The following LRRC4C variants were observed in gnomAD, a reference collection of about 807,000 sequenced individuals.
The protein encoded by LRRC4C is leucine rich repeat containing 4C, also known as leucine-rich repeat-containing protein 4C.
Under a neutral mutation model 33.6 loss-of-function variants are expected in LRRC4C, and 5 were observed. The observed-to-expected ratio is 0.15, with a 90% CI of 0.08 to 0.31. The LOEUF (loss-of-function observed/expected upper bound fraction) is 0.31. LRRC4C is among the 10% of genes least tolerant of loss of function. LRRC4C has a pLI of 1.00. For missense variants in LRRC4C, 560 were observed against 796.7 expected, an observed-to-expected ratio of 0.70 and a Z score of 3.58; for synonymous variants, 329 against 302.0, an observed-to-expected ratio of 1.09 and a Z score of -0.93.
chr11:41,081,239 A>T (rs754192858), intron 1 of LRRC4C, among the ~76,000 whole-genome samples: 7 of 152,236 alleles, frequency 4.6e-5, no homozygotes, highest in Non-Finnish European at 7.3e-5. Flanking sequence ...ATGGGAATGC[A>T]TGTTGGGAAG....
chr11:40,403,157 T>G lies in LRRC4C; in HGVS notation c.-269-83436A>C, dbSNP rs151246037. Among the ~76,000 whole-genome samples the G allele has an allele frequency of 2.1e-3, 321 of 152,190 alleles. 1 individual carries two copies. The highest frequency in any genetic ancestry group is 3.5e-3 in the Non-Finnish European group (236 of 68,006). Reference sequence around the variant, plus strand: ...ATATGGATGATTTAAACAAAATAATTTACACTGTCCCATATAGCTCTTAAG... The same window carrying G: ...ATATGGATGATTTAAACAAAATAATGTACACTGTCCCATATAGCTCTTAAG... On this transcript the variant is annotated intron_variant, in intron 3 of 6. Transcript: ENST00000528697.
intron 1 of LRRC4C, among the ~76,000 whole-genome samples, chr11:41,300,900 T>C (rs551378631): frequency 1.3e-5 from 2 of 152,266 alleles, no homozygotes; most frequent in African/African-American, 4.8e-5. Flanking sequence ...AATCTATAAT[T>C]ATTTTTATGG....
intron 2 of LRRC4C, among the ~76,000 whole-genome samples, chr11:40,689,244 A>G (rs1158286929): frequency 1.3e-5 from 2 of 152,080 alleles, no homozygotes; most frequent in Non-Finnish European, 2.9e-5. Flanking sequence ...GAATGTTCAC[A>G]TTTGTGGAGG....
intron 1 of LRRC4C, among the ~76,000 whole-genome samples, chr11:41,142,535 G>A (rs1943552998): frequency 6.6e-6 from 1 of 152,138 alleles, no homozygotes; most frequent in Non-Finnish European, 1.5e-5. Context: ...CTGTAAACAT[G>A]TAAATTGTAT....
rs964493831 is a variant in LRRC4C, at chr11:40,807,696, C to A, written c.-407+125939G>T. Among the ~76,000 whole-genome samples, 3 of 152,280 alleles carry A rather than the reference C, an allele frequency of 2.0e-5. 1 individual carries two copies. In the South Asian group the frequency reaches 6.2e-4, roughly 32 times the overall value. ...CACGGATTTTAGTATTCCATTTGAA[C>A]CTTTGGTTTTAAGATACAGCATCTC... is the stretch of plus-strand genomic sequence containing the variant. On this transcript the variant is annotated intron_variant, in intron 2 of 6. Coordinates refer to ENST00000528697, the MANE Select transcript of LRRC4C (RefSeq NM_001258419.2).
At chr11:40,731,720 G>C (rs878999041) in intron 2 of LRRC4C, among the ~76,000 whole-genome samples, 1 of 152,102 alleles carries the variant, frequency 6.6e-6, no homozygotes, top group Admixed American at 6.6e-5. Context: ...GCTATGAACA[G>C]AACAGCCTTG....
intron 3 of LRRC4C, among the ~76,000 whole-genome samples, chr11:40,557,045 G>A (rs1957359090): frequency 6.6e-6 from 1 of 151,960 alleles, no homozygotes; most frequent in Non-Finnish European, 1.5e-5. Flanking sequence ...AAAAAGTCAG[G>A]ACCATGTGCT....
At chr11:40,838,894 T>C (rs950691970) in intron 2 of LRRC4C, among the ~76,000 whole-genome samples, 16 of 152,038 alleles carry the variant, frequency 1.1e-4, no homozygotes, top group Admixed American at 2.0e-4. Flanking sequence ...TCAACAATTG[T>C]TTCCTTGATA....
chr11:41,325,577 TTGTGTG>T (rs71466928), intron 1 of LRRC4C, among the ~76,000 whole-genome samples: 16 of 104,164 alleles, frequency 1.5e-4, no homozygotes, highest in East Asian at 7.5e-4. Flanking sequence ...TTTTTTTTTT[TTGTGTG>T]TGTGTGTGTG....
intron 1 of LRRC4C, among the ~76,000 whole-genome samples, chr11:41,274,387 A>G (rs1206570863): frequency 1.3e-5 from 2 of 152,138 alleles, no homozygotes; most frequent in Non-Finnish European, 2.9e-5. Context: ...CTATGGTTCA[A>G]TGACAGTGTC....
intron 2 of LRRC4C, among the ~76,000 whole-genome samples, chr11:40,688,526 A>G (rs1591468986): frequency 6.6e-6 from 1 of 152,112 alleles, no homozygotes; most frequent in African/African-American, 2.4e-5. Context: ...GGGCTCTCAT[A>G]CACTAGGAGT....
intron 1 of LRRC4C, among the ~76,000 whole-genome samples, chr11:41,120,643 A>T (rs3886949): frequency 0.41 from 62,029 of 151,992 alleles, 13,766 homozygotes; most frequent in Middle Eastern, 0.53. Flanking sequence ...ACAGCTCTCA[A>T]TGAGTTCTTG....
intron 1 of LRRC4C, among the ~76,000 whole-genome samples, chr11:41,357,190 T>A (rs1952193671): frequency 6.6e-6 from 1 of 152,042 alleles, no homozygotes; most frequent in African/African-American, 2.4e-5. Flanking sequence ...TTAGTCATCA[T>A]CCCAAGAGTA....
chr11:40,505,270 T>C (rs1384735499), intron 3 of LRRC4C, among the ~76,000 whole-genome samples: 6 of 152,162 alleles, frequency 3.9e-5, no homozygotes, highest in Admixed American at 3.3e-4. Flanking sequence ...AAATTTCCAT[T>C]GGCTCCTTAG....
In LRRC4C at chr11:41,108,933, T is replaced by C. The variant is rs188412554; in HGVS notation, c.-495-175210A>G. On this transcript the variant is annotated intron_variant, in intron 1 of 6. Coordinates refer to ENST00000528697, the MANE Select transcript of LRRC4C (RefSeq NM_001258419.2). ...AGGCAAAATAGCACATCCACGTTCA[T>C]TCCCACAGTTGCAAATTCAGAGCAC... 2.0e-5 allele frequency among the ~76,000 whole-genome samples: 3 copies of C among 152,218 alleles called. No homozygotes were observed. In the East Asian group the frequency reaches 5.8e-4, roughly 29 times the overall value.
At chr11:40,858,407 A>T (rs1457799279) in intron 2 of LRRC4C, among the ~76,000 whole-genome samples, 1 of 152,118 alleles carries the variant, frequency 6.6e-6, no homozygotes. Context: ...ATTTTAAAAG[A>T]TCATGTTTCC....
At chr11:40,838,400 A>G (rs1031105744) in intron 2 of LRRC4C, among the ~76,000 whole-genome samples, 7 of 152,202 alleles carry the variant, frequency 4.6e-5, no homozygotes, top group Admixed American at 1.3e-4. Context: ...CATTCAGCTC[A>G]TGAAAAATGT....
intron 2 of LRRC4C, among the ~76,000 whole-genome samples, chr11:40,879,587 T>C (rs186786571): frequency 7.8e-4 from 119 of 152,208 alleles, no homozygotes; most frequent in African/African-American, 2.7e-3. Flanking sequence ...CTAAAATTTA[T>C]TAAGTAAACT....
chr11:40,881,515 G>T (rs1296058271), intron 2 of LRRC4C, among the ~76,000 whole-genome samples: 2 of 152,058 alleles, frequency 1.3e-5, no homozygotes, highest in African/African-American at 2.4e-5. Context: ...TAGGTGTGGG[G>T]TTATTTACTG....
Sources: allele counts gnomAD v4.1 joint callset (sites outside exome capture counted in the v4.1 genomes callset), GRCh38; gene constraint gnomAD v4.1.1; transcripts MANE v1.5; gene names NCBI Gene and HGNC (gene_info 2026-07-23, HGNC 2026-07-21).